The following TOMM34 variants were observed in gnomAD, a reference collection of about 807,000 sequenced individuals.
TOMM34 encodes mitochondrial import receptor subunit TOM34.
In TOMM34, 24 loss-of-function variants were observed where a neutral mutation model predicts 37.4. The ratio of observed to expected loss-of-function variants is 0.64; its 90% CI spans 0.46 to 0.90. The LOEUF (loss-of-function observed/expected upper bound fraction) is 0.90. Among genes scored for constraint, TOMM34 ranks in the 40% least tolerant of loss-of-function variants. TOMM34 has a pLI of 0.00. For missense variants in TOMM34, 304 were observed against 375.6 expected (o/e 0.81, Z 1.58); for synonymous variants, 154 against 148.9 (o/e 1.03, Z -0.25).
intron 1 of TOMM34, among the ~76,000 whole-genome samples, chr20:44,959,691 A>G (rs919471811): frequency 6.6e-6 from 1 of 152,098 alleles, no homozygotes; most frequent in African/African-American, 2.4e-5. Context: ...TCATTTAGAC[A>G]TCACCTCAAA....
intron 1 of TOMM34, 167 bp downstream of exon 1, chr20:44,960,040 A>T: frequency 1.0e-6 from 1 of 978,440 alleles, no homozygotes. Flanking sequence ...GTTAACAAGC[A>T]GGTGGAAAGA....
At chr20:44,950,596 T>C (rs2067017939) in intron 4 of TOMM34, among the ~76,000 whole-genome samples, 1 of 152,216 alleles carries the variant, frequency 6.6e-6, no homozygotes, top group African/African-American at 2.4e-5. Context: ...ATGAAATCAA[T>C]GGTAGGTGCA....
chr20:44,954,318 G>A (rs1283776347), intron 3 of TOMM34, among the ~76,000 whole-genome samples: 1 of 152,222 alleles, frequency 6.6e-6, no homozygotes, highest in Non-Finnish European at 1.5e-5. Flanking sequence ...GTATGTCTCA[G>A]TCATCAGCCC....
intron 5 of TOMM34, 69 bp from the exon 6 acceptor site, chr20:44,943,648 T>C (rs1462382597): frequency 5.6e-6 from 9 of 1,602,734 alleles, no homozygotes; most frequent in Admixed American, 1.7e-5. Context: ...ACGCAGTAGT[T>C]TGAGAAGTGA....
intron 2 of TOMM34, chr20:44,955,667 GGGACACAT>G (rs1258374613): frequency 2.2e-6 from 1 of 457,078 alleles, no homozygotes; most frequent in Non-Finnish European, 4.4e-6. Context: ...GTTCTGGCCT[GGGACACAT>G]GGTAACCGTA....
intron 5 of TOMM34, among the ~76,000 whole-genome samples, chr20:44,944,369 A>G (rs917028085): frequency 3.3e-5 from 5 of 152,256 alleles, no homozygotes; most frequent in Admixed American, 6.5e-5. Flanking sequence ...CGCTCATTAC[A>G]TAAGTTCATC....
Position 44,943,097 on chromosome 20 carries a change from C to G in TOMM34, c.*12G>C. On this transcript the variant is annotated 3_prime_UTR_variant, in exon 7 of 7. Coordinates refer to ENST00000372813, the MANE Select transcript of TOMM34 (RefSeq NM_006809.5). ...AAGGTCAGGCAGGGGTTCCAGTTGC[C>G]CTGTTGGGTTTTTAGTGTAGGTTCT... The G allele has an allele frequency of 6.2e-7, 1 of 1,613,696 alleles. No individual in the cohort carries two copies. Among genetic ancestry groups the G allele is most frequent in the African/African-American group, 1.3e-5 (1 of 74,960 alleles).
Position 44,948,722 on chromosome 20 carries a change from G to A in TOMM34, c.698+8C>T. ...AATGCCCCAGGCCAGCAGCTGTATAGGAGATACCTGTTGCTGTACGTGGCA... is the reference window on the plus strand; with the variant it reads ...AATGCCCCAGGCCAGCAGCTGTATAAGAGATACCTGTTGCTGTACGTGGCA... On this transcript the variant is annotated splice_region_variant and intron_variant, in intron 5 of 6. Coordinates refer to ENST00000372813, the MANE Select transcript of TOMM34 (RefSeq NM_006809.5). 1 of 1,614,118 alleles carries A rather than the reference G, an allele frequency of 6.2e-7. No individual in the cohort carries two copies.
chr20:44,956,581 T>C, intron 1 of TOMM34, 96 bp from the exon 2 acceptor site: 1 of 1,175,650 alleles, frequency 8.5e-7, no homozygotes, highest in Non-Finnish European at 1.3e-6. Context: ...GGGCCTTGTG[T>C]TAAGGCAGTA....
rs764066256 is a variant in TOMM34, at chr20:44,960,224, C to G, written c.110G>C (p.Arg37Pro). 3 of 1,560,452 alleles carry G rather than the reference C, an allele frequency of 1.9e-6. No homozygotes were observed. Among genetic ancestry groups the G allele is most frequent in the South Asian group, 2.4e-5 (2 of 84,920 alleles). Residue 37 changes from arginine (R) to proline (P), a missense_variant, in exon 1 of 7, where the codon CGG (arginine) becomes CCG (proline). Physicochemically the swap from Arg to Pro is moderately radical, Grantham distance 103. Transcript: ENST00000372813. ...GGTCGTACCTTGCGCCTGCAGCACCCGCAGCGCGCGGCCGTAGAGCGCGGA... is the reference window on the plus strand; with the variant it reads ...GGTCGTACCTTGCGCCTGCAGCACCGGCAGCGCGCGGCCGTAGAGCGCGGA... ...EASALYGRAL[R>P]VLQAQGSSDP...
chr20:44,960,160 G>T (rs2067113049), intron 1 of TOMM34, 47 bp downstream of exon 1: 2 of 1,524,716 alleles, frequency 1.3e-6, no homozygotes. Flanking sequence ...GTGGTTGCGG[G>T]AGTTGGAGGA....
rs186971634 is a variant in TOMM34 at position 44,945,495 on chromosome 20, C to T, written c.699-1916G>A. 4.3e-3 allele frequency among the ~76,000 whole-genome samples: 649 copies of T among 152,300 alleles called. 9 individuals are homozygous for T. The highest frequency in any genetic ancestry group is 5.1e-3 in the Non-Finnish European group (346 of 68,028). ...TTCCACCTTGGTCTCTGGAAACACTCGCTCTTGGAGCCTTGAACTGACAGG... is the reference window on the plus strand; with the variant it reads ...TTCCACCTTGGTCTCTGGAAACACTTGCTCTTGGAGCCTTGAACTGACAGG... On this transcript the variant is annotated intron_variant, in intron 5 of 6. Transcript: ENST00000372813.
chr20:44,951,782 A>C, intron 4 of TOMM34, 51 bp downstream of exon 4: 2 of 1,567,688 alleles, frequency 1.3e-6, no homozygotes, highest in Non-Finnish European at 1.7e-6. Context: ...TACTCTAAAG[A>C]AAATGGATAG....
intron 3 of TOMM34, among the ~76,000 whole-genome samples, chr20:44,954,302 G>T (rs893608195): frequency 2.6e-5 from 4 of 152,210 alleles, no homozygotes; most frequent in African/African-American, 9.7e-5. Context: ...ATGACGGCAG[G>T]AAGAGGTATG....
chr20:44,958,410 A>G (rs752734344), intron 1 of TOMM34: 10 of 471,424 alleles, frequency 2.1e-5, no homozygotes, highest in African/African-American at 2.0e-4. Flanking sequence ...CAAAACCTGT[A>G]ATCCATCTTG....
chr20:44,952,115 T>C, intron 3 of TOMM34, 113 bp from the exon 4 acceptor site: 11 of 1,304,038 alleles, frequency 8.4e-6, no homozygotes, highest in South Asian at 1.6e-5. Flanking sequence ...GCTGCCACCC[T>C]CCCCCTGGTC....
Position 44,960,250 on chromosome 20 carries a change from G to A in TOMM34, c.84C>T (p.Ala28=), listed in dbSNP as rs1472161307. Residue 28 remains alanine, a synonymous_variant, in exon 1 of 7, where the codon GCC becomes GCT. Transcript: ENST00000372813. ...GCAGCGCGCGGCCGTAGAGCGCGGA[G>A]GCCTCGGCGTACTGGCCGTTGCGGA... ...ESFRNGQYAE[A]SALYGRALRV... The A allele has an allele frequency of 6.4e-7, 1 of 1,569,386 alleles. No individual in the cohort carries two copies. The highest frequency in any genetic ancestry group is 1.4e-5 in the African/African-American group (1 of 73,302).
intron 3 of TOMM34, among the ~76,000 whole-genome samples, chr20:44,954,239 T>C (rs932977430): frequency 2.6e-5 from 4 of 152,224 alleles, no homozygotes; most frequent in Non-Finnish European, 1.5e-5. Flanking sequence ...CTTATCATGT[T>C]GTATTGTGCT....
At chr20:44,955,036 C>CGTGGAGACCACCTGCTGGGA in intron 3 of TOMM34, 32 bp downstream of exon 3, 1 of 1,611,156 alleles carries the variant, frequency 6.2e-7, no homozygotes. Flanking sequence ...AGGGAGTTGC[C>CGTGGAGACCACCTGCTGGGA]GTGGAGACCA....
Sources: gnomAD v4.1 joint callset for allele counts (sites outside exome capture counted in the v4.1 genomes callset) on GRCh38, gnomAD v4.1.1 for gene constraint, MANE v1.5 for transcripts, NCBI Gene and HGNC (gene_info 2026-07-23, HGNC 2026-07-21) for gene names.